The following SCHIP1 variants were observed in gnomAD, a reference collection of about 807,000 sequenced individuals.
The protein encoded by SCHIP1 is schwannomin interacting protein 1.
A neutral mutation model predicts 29.7 loss-of-function variants in SCHIP1; 8 were observed. That is an observed-to-expected ratio of 0.27 (90% CI 0.16 to 0.49). SCHIP1 has a LOEUF of 0.49. SCHIP1 is among the 20% of genes least tolerant of loss of function. SCHIP1 has a pLI of 0.99. For missense variants in SCHIP1, 193 were observed against 294.6 expected, an observed-to-expected ratio of 0.66 and a Z score of 2.52; for synonymous variants, 76 against 94.9, an observed-to-expected ratio of 0.80 and a Z score of 1.16.
the SCHIP1 span, among the ~76,000 whole-genome samples, chr3:159,809,085 C>T: frequency 6.6e-6 from 1 of 151,098 alleles, no homozygotes; most frequent in Non-Finnish European, 1.5e-5. Context: ...TTTCTGCATC[C>T]ATCAACTCAT....
At chr3:159,398,092 G>T in the SCHIP1 span, among the ~76,000 whole-genome samples, 5 of 152,158 alleles carry the variant, frequency 3.3e-5, no homozygotes, top group Non-Finnish European at 5.9e-5. Context: ...GATTTTCCAG[G>T]TGCCATCTGT....
the SCHIP1 span, among the ~76,000 whole-genome samples, chr3:159,363,682 A>T: frequency 6.6e-6 from 1 of 152,226 alleles, no homozygotes; most frequent in East Asian, 1.9e-4. Context: ...CAAGATGATT[A>T]TCTGACATCT....
the SCHIP1 span, among the ~76,000 whole-genome samples, chr3:159,289,738 T>G: frequency 6.6e-6 from 1 of 152,232 alleles, no homozygotes; most frequent in African/African-American, 2.4e-5. Context: ...GGGTTGATAC[T>G]ACATAAACAT....
the SCHIP1 span, among the ~76,000 whole-genome samples, chr3:159,773,963 G>A: frequency 6.6e-6 from 1 of 152,196 alleles, no homozygotes; most frequent in Non-Finnish European, 1.5e-5. Flanking sequence ...GATGCCTGGC[G>A]TAGTTAGAAT....
At chr3:159,698,463 G>A in the SCHIP1 span, among the ~76,000 whole-genome samples, 1 of 152,158 alleles carries the variant, frequency 6.6e-6, no homozygotes, top group African/African-American at 2.4e-5. Flanking sequence ...TAAATTTCAA[G>A]TGAGTCATTA....
At chr3:159,450,807 CTTTTT>C in the SCHIP1 span, among the ~76,000 whole-genome samples, 41 of 123,048 alleles carry the variant, frequency 3.3e-4, no homozygotes, top group African/African-American at 1.2e-3. Flanking sequence ...ATTTAGTATT[CTTTTT>C]TTTTTTTTTT....
chr3:159,843,822 CAAAA>C (rs1161141544), intron 1 of SCHIP1, among the ~76,000 whole-genome samples: 4 of 39,990 alleles, frequency 1.0e-4, no homozygotes, highest in African/African-American at 3.1e-4. Flanking sequence ...GACTCTGTCT[CAAAA>C]AAAAAAAAAA....
At chr3:159,319,196 G>C in the SCHIP1 span, among the ~76,000 whole-genome samples, 5 of 152,308 alleles carry the variant, frequency 3.3e-5, no homozygotes, top group East Asian at 5.8e-4. Context: ...TTGCATAGCA[G>C]TCTGGATCTG....
At chr3:159,695,921 G>C in the SCHIP1 span, among the ~76,000 whole-genome samples, 1 of 151,942 alleles carries the variant, frequency 6.6e-6, no homozygotes, top group African/African-American at 2.4e-5. Flanking sequence ...TATCTTCACT[G>C]TCACTGCCTT....
At chr3:159,538,509 T>A in the SCHIP1 span, among the ~76,000 whole-genome samples, 7 of 152,290 alleles carry the variant, frequency 4.6e-5, no homozygotes, top group African/African-American at 1.7e-4. Context: ...CCATCTCCTC[T>A]TGTGTGACAG....
chr3:159,338,160 A>C, the SCHIP1 span, among the ~76,000 whole-genome samples: 1 of 152,192 alleles, frequency 6.6e-6, no homozygotes, highest in East Asian at 1.9e-4. Flanking sequence ...AATCCTAAAA[A>C]TTTGGGAGTG....
chr3:159,803,292 C>T, the SCHIP1 span, among the ~76,000 whole-genome samples: 1 of 152,032 alleles, frequency 6.6e-6, no homozygotes, highest in Non-Finnish European at 1.5e-5. Context: ...TCAATGAAAA[C>T]GAGTTAACCA....
the SCHIP1 span, among the ~76,000 whole-genome samples, chr3:159,807,017 T>A: frequency 2.0e-5 from 3 of 152,250 alleles, no homozygotes; most frequent in Non-Finnish European, 4.4e-5. Flanking sequence ...AAGATTGTCA[T>A]TATTACAATT....
chr3:159,791,210 A>G, the SCHIP1 span, among the ~76,000 whole-genome samples: 1 of 152,216 alleles, frequency 6.6e-6, no homozygotes, highest in Non-Finnish European at 1.5e-5. Context: ...TCTCAGTTTC[A>G]TTGTCATATC....
At chr3:159,634,720 A>C in the SCHIP1 span, among the ~76,000 whole-genome samples, 1 of 152,214 alleles carries the variant, frequency 6.6e-6, no homozygotes, top group East Asian at 1.9e-4. Context: ...CCTTGCCCAA[A>C]GTATACATTA....
At chr3:159,571,151 T>C in the SCHIP1 span, among the ~76,000 whole-genome samples, 2 of 152,234 alleles carry the variant, frequency 1.3e-5, no homozygotes, top group Non-Finnish European at 2.9e-5. Flanking sequence ...CTGATTTCCC[T>C]GGCCAGAGCT....
chr3:159,466,606 T>C, the SCHIP1 span, among the ~76,000 whole-genome samples: 1 of 152,140 alleles, frequency 6.6e-6, no homozygotes, highest in African/African-American at 2.4e-5. Context: ...GAAGTACATA[T>C]GACTGCATTT....
the SCHIP1 span, chr3:159,721,930 C>G: frequency 1.6e-5 from 7 of 424,272 alleles, no homozygotes; most frequent in South Asian, 1.3e-4. Flanking sequence ...CAAATGTTTT[C>G]TTGAAGTTCA....
chr3:159,275,997 G>A, the SCHIP1 span, among the ~76,000 whole-genome samples: 12 of 152,134 alleles, frequency 7.9e-5, no homozygotes, highest in Non-Finnish European at 1.6e-4. Context: ...TGGCTACAAA[G>A]AATGTAGGGG....
Sources: allele counts gnomAD v4.1 joint callset (sites outside exome capture counted in the v4.1 genomes callset), GRCh38; gene constraint gnomAD v4.1.1; transcripts MANE v1.5; gene names NCBI Gene and HGNC (gene_info 2026-07-23, HGNC 2026-07-21).